Variants in LSP1 observed in about 807,000 individuals in gnomAD.
LSP1 encodes the protein lymphocyte-specific protein 1.
Under a neutral mutation model 49.3 loss-of-function variants are expected in LSP1, and 32 were observed. The ratio of observed to expected loss-of-function variants is 0.65; its 90% CI spans 0.49 to 0.87. The LOEUF (loss-of-function observed/expected upper bound fraction) is 0.87. Ranked by LOEUF, LSP1 falls within the 40% of genes least tolerant of loss-of-function variation. The pLI, the probability that LSP1 is intolerant of heterozygous loss-of-function variation, is 0.00. For missense variants in LSP1, 428 were observed against 442.6 expected (o/e 0.97, Z 0.30); for synonymous variants, 179 against 178.8 (o/e 1.00, Z -0.01).
chr11:1,873,863 T>TGGCAGAGGAGGGAGGCC (rs1565079154), intron 1 of LSP1, among the ~76,000 whole-genome samples: 7 of 67,336 alleles, frequency 1.0e-4, no homozygotes, highest in Non-Finnish European at 1.8e-4. Context: ...GGAGGGAGGC[T>TGGCAGAGGAGGGAGGCC]GGCAGAGGAG....
intron 1 of LSP1, among the ~76,000 whole-genome samples, chr11:1,867,466 T>G (rs1214799021): frequency 6.6e-6 from 1 of 151,786 alleles, no homozygotes; most frequent in Non-Finnish European, 1.5e-5. Context: ...GTCCCAGCCC[T>G]GCAGGCCAGG....
intron 1 of LSP1, chr11:1,876,441 C>G: frequency 2.6e-5 from 26 of 985,542 alleles, no homozygotes; most frequent in Non-Finnish European, 3.1e-5. Context: ...CTCCCCCTCC[C>G]CTCGACATCC....
chr11:1,877,808 G>T (rs1014529203), intron 1 of LSP1, among the ~76,000 whole-genome samples: 3 of 152,186 alleles, frequency 2.0e-5, no homozygotes, highest in African/African-American at 7.2e-5. Flanking sequence ...GTGTGCACCT[G>T]CGTGTGCCCC....
chr11:1,890,057 G>T (rs780826752), intron 10 of LSP1: 15 of 708,892 alleles, frequency 2.1e-5, no homozygotes, highest in African/African-American at 3.5e-5. Context: ...GGGTGACGTG[G>T]GTGCCCCCAC....
chr11:1,889,441 G>T, intron 10 of LSP1: 1 of 652,830 alleles, frequency 1.5e-6, no homozygotes, highest in Non-Finnish European at 2.8e-6. Context: ...GGCACCTCCT[G>T]CTCTGTGGGG....
Position 1,864,745 on chromosome 11 carries a change from C to G in LSP1, c.53+11548C>G, listed in dbSNP as rs186936759. 1.2e-4 allele frequency among the ~76,000 whole-genome samples: 18 copies of G among 151,980 alleles called. No individual in the cohort carries two copies. In the East Asian group the frequency reaches 3.5e-3, roughly 30 times the overall value. Reference sequence around the variant, plus strand: ...AGGGAGACCCACAGGGATGGGGACACAGGGACCAGGCTGCCTGCAGGGAGC... The same window carrying G: ...AGGGAGACCCACAGGGATGGGGACAGAGGGACCAGGCTGCCTGCAGGGAGC... On this transcript the variant is annotated intron_variant, in intron 1 of 10. Transcript: ENST00000311604.
chr11:1,856,231 C>T (rs1388263677), intron 1 of LSP1, among the ~76,000 whole-genome samples: 4 of 152,214 alleles, frequency 2.6e-5, no homozygotes, highest in Admixed American at 6.5e-5. Flanking sequence ...TCCCCATGAG[C>T]GACCAGGCCG....
rs1337355858 is a variant in LSP1 at position 1,883,664 on chromosome 11, T to C, written c.498+104T>C. 9.8e-6 allele frequency: 14 copies of C among 1,423,956 alleles called. No individual in the cohort carries two copies. The Admixed American group carries it at 2.5e-4, about 25-fold the overall frequency. 88.2% of individuals were successfully genotyped at this position (1,423,956 alleles called of 1,614,324 possible). A position where few individuals can be genotyped will look rare whatever the true frequency, so the allele number is the denominator to read the frequency against. On this transcript the variant is annotated intron_variant, in intron 4 of 10. Coordinates refer to ENST00000311604, the MANE Select transcript of LSP1 (RefSeq NM_002339.3). ...TGGGCCCTGTGGGTCTAGCCCAGAG[T>C]GGGTCAGCACCCCACACCCCTAGAC...
At chr11:1,863,689 A>G (rs1847701885) in intron 1 of LSP1, 1 of 152,242 alleles carries the variant, frequency 6.6e-6, no homozygotes, top group African/African-American at 2.4e-5. Context: ...CCAGTGAGTC[A>G]CAGCAGCCAA....
intron 1 of LSP1, chr11:1,866,425 C>G (rs1172267385): frequency 7.0e-7 from 1 of 1,436,916 alleles, no homozygotes; most frequent in Non-Finnish European, 9.2e-7. Context: ...CAGCCCGGCT[C>G]ACCCCTCCTC....
At chr11:1,876,518 C>G (rs1295756475) in intron 1 of LSP1, 26 of 985,440 alleles carry the variant, frequency 2.6e-5, no homozygotes, top group Non-Finnish European at 3.1e-5. Context: ...GACGGACCCT[C>G]TCCAGCCGCC....
Position 1,853,261 on chromosome 11 carries a change from G to T in LSP1, c.53+64G>T, listed in dbSNP as rs1847406087. 5 of 1,533,178 alleles carry T rather than the reference G, an allele frequency of 3.3e-6. No homozygotes were observed. The East Asian group carries it at 1.2e-4, about 36-fold the overall frequency. 95.0% of individuals were successfully genotyped at this position (1,533,178 alleles called of 1,614,324 possible). The stretch of plus-strand genomic sequence containing the variant: ...TCCACGGGTGCATAGTCCTTGAGCT[G>T]CATGGAGGGTGGAGAACTGAGGTGC... On this transcript the variant is annotated intron_variant, in intron 1 of 10. Coordinates refer to ENST00000311604, the MANE Select transcript of LSP1 (RefSeq NM_002339.3).
chr11:1,870,610 G>A, intron 1 of LSP1: 1 of 1,108,856 alleles, frequency 9.0e-7, no homozygotes, highest in South Asian at 2.4e-5. Flanking sequence ...GTGGTTGAAT[G>A]CCAGGCTGGC....
chr11:1,872,531 GCA>G, intron 1 of LSP1, among the ~76,000 whole-genome samples: 2 of 102,166 alleles, frequency 2.0e-5, no homozygotes, highest in Non-Finnish European at 4.0e-5. Context: ...TCACCCTGGT[GCA>G]CGCTGGTAGA....
intron 3 of LSP1, among the ~76,000 whole-genome samples, chr11:1,882,569 C>A (rs1045863688): frequency 6.6e-6 from 1 of 152,142 alleles, no homozygotes; most frequent in Non-Finnish European, 1.5e-5. Context: ...GATGGGGCAG[C>A]TCCCTTCTCC....
chr11:1,878,257 G>A (rs1171391762), intron 1 of LSP1, among the ~76,000 whole-genome samples: 1 of 152,196 alleles, frequency 6.6e-6, no homozygotes, highest in East Asian at 1.9e-4. Context: ...GTGTGGAGGG[G>A]CTGGGGCGTG....
chr11:1,865,290 T>C (rs1847749784), intron 1 of LSP1: 1 of 960,804 alleles, frequency 1.0e-6, no homozygotes, highest in African/African-American at 1.8e-5. Flanking sequence ...TGGCTGGGCA[T>C]GGAGGGCAGG....
At position 1,884,852 on chromosome 11, in the gene LSP1, T is replaced by C. The variant is rs932895321; in HGVS notation, c.717+271T>C. 1.3e-5 allele frequency among the ~76,000 whole-genome samples: 2 copies of C among 151,664 alleles called. No individual in the cohort carries two copies. The highest frequency in any genetic ancestry group is 6.6e-5 in the Admixed American group (1 of 15,244). ...ATCCTATCAATGCTTCTGCATCCAA[T>C]TAATGTTCCTTTATACAACCAATAC... is the stretch of plus-strand genomic sequence containing the variant. On this transcript the variant is annotated intron_variant, in intron 7 of 10. Transcript: ENST00000311604. This position sits in a 1 kb window ranked among gnomAD's most constrained non-coding sequence, Gnocchi z 4.1.
intron 1 of LSP1, among the ~76,000 whole-genome samples, chr11:1,872,096 G>A (rs189204687): frequency 0.015 from 2,107 of 139,832 alleles, 5 homozygotes; most frequent in Non-Finnish European, 0.019. Context: ...TCTGGCTGGC[G>A]TGGGCACTTT....
Sources: gnomAD v4.1 joint callset for allele counts (sites outside exome capture counted in the v4.1 genomes callset) on GRCh38, gnomAD v4.1.1 for gene constraint, Gnocchi (gnomAD v3.1) non-coding constraint, MANE v1.5 for transcripts, NCBI Gene and HGNC (gene_info 2026-07-23, HGNC 2026-07-21) for gene names.